The following NELL1 variants were observed in gnomAD, a reference collection of about 807,000 sequenced individuals.
NELL1 encodes the protein neural EGFL like 1, also known as protein kinase C-binding protein NELL1.
In NELL1, 76 loss-of-function variants were observed where a neutral mutation model predicts 107.4. The ratio of observed to expected loss-of-function variants is 0.71; its 90% CI spans 0.59 to 0.86. NELL1 has a LOEUF of 0.86. NELL1 is among the 40% of genes least tolerant of loss of function. The pLI is 0.00. For synonymous variants in NELL1, 353 were observed against 341.2 expected (o/e 1.03, Z -0.38); for missense variants, 1,024 against 1,005.5 (o/e 1.02, Z -0.25).
At chr11:20,674,516 C>T (rs573625441) in intron 1 of NELL1, 28 of 1,536,018 alleles carry the variant, frequency 1.8e-5, no homozygotes, top group East Asian at 1.2e-4. Flanking sequence ...CCCGTGTTAT[C>T]GCTGATATGG....
chr11:21,471,549 A>G (rs1018313524), intron 15 of NELL1, among the ~76,000 whole-genome samples: 18 of 152,090 alleles, frequency 1.2e-4, no homozygotes, highest in African/African-American at 4.3e-4. Context: ...ATATAACAAT[A>G]TAATTATAAA....
chr11:20,933,942 G>A (rs1316743749), intron 9 of NELL1, among the ~76,000 whole-genome samples: 2 of 152,160 alleles, frequency 1.3e-5, no homozygotes, highest in Non-Finnish European at 2.9e-5. Context: ...TTGTGTTTGG[G>A]CACTGTGAAA....
At chr11:20,849,310 G>GT (rs1337488813) in intron 4 of NELL1, among the ~76,000 whole-genome samples, 1 of 152,182 alleles carries the variant, frequency 6.6e-6, no homozygotes, top group Non-Finnish European at 1.5e-5. Flanking sequence ...CCTTCTAAGA[G>GT]TTTTACTCTG....
chr11:21,254,408 A>T (rs1018338491), intron 14 of NELL1, among the ~76,000 whole-genome samples: 1 of 152,160 alleles, frequency 6.6e-6, no homozygotes, highest in East Asian at 1.9e-4. Flanking sequence ...AAAAAATTCA[A>T]TGCCCAGCAA....
intron 15 of NELL1, among the ~76,000 whole-genome samples, chr11:21,384,829 C>G (rs1166139915): frequency 6.6e-6 from 1 of 151,926 alleles, no homozygotes; most frequent in Non-Finnish European, 1.5e-5. Flanking sequence ...GACACATTTT[C>G]TTAATCCAGT....
intron 12 of NELL1, among the ~76,000 whole-genome samples, chr11:21,031,534 T>G (rs754272814): frequency 1.3e-5 from 2 of 152,230 alleles, no homozygotes; most frequent in Non-Finnish European, 2.9e-5. Flanking sequence ...TCTGCCTGTT[T>G]CCCTTCCTCA....
intron 13 of NELL1, among the ~76,000 whole-genome samples, chr11:21,158,193 C>T (rs758192803): frequency 3.3e-5 from 5 of 152,154 alleles, no homozygotes; most frequent in Non-Finnish European, 5.9e-5. Flanking sequence ...TATTGTTTAG[C>T]CAGGGCCTCT....
At chr11:21,370,472 A>C (rs2133752461) in intron 14 of NELL1, among the ~76,000 whole-genome samples, 1 of 152,180 alleles carries the variant, frequency 6.6e-6, no homozygotes, top group South Asian at 2.1e-4. Flanking sequence ...AGTGGAAAAG[A>C]TTAGGTTACA....
chr11:20,830,552 G>T (rs1857987396), intron 3 of NELL1, among the ~76,000 whole-genome samples: 1 of 152,008 alleles, frequency 6.6e-6, no homozygotes, highest in East Asian at 2.0e-4. Context: ...TGGCCAGGCT[G>T]GTATTGAAGT....
intron 15 of NELL1, among the ~76,000 whole-genome samples, chr11:21,443,740 C>T (rs1853350006): frequency 6.6e-6 from 1 of 151,660 alleles, no homozygotes; most frequent in African/African-American, 2.4e-5. Context: ...GTCCCAGCTA[C>T]TCGGGAGGCT....
chr11:21,451,185 T>TA (rs35257979), intron 15 of NELL1, among the ~76,000 whole-genome samples: 52,416 of 100,422 alleles, frequency 0.52, 12,785 homozygotes, highest in Non-Finnish European at 0.58. Flanking sequence ...AGACTCCGTC[T>TA]AAAAAAAAAA....
At chr11:21,464,826 G>A (rs1853987428) in intron 15 of NELL1, among the ~76,000 whole-genome samples, 1 of 152,062 alleles carries the variant, frequency 6.6e-6, no homozygotes, top group Admixed American at 6.6e-5. Context: ...AGTATCAGGA[G>A]ACTAATGTAT....
chr11:20,979,174 A>G (rs569229357), intron 12 of NELL1, among the ~76,000 whole-genome samples: 44 of 152,304 alleles, frequency 2.9e-4, no homozygotes, highest in African/African-American at 1.1e-3. Flanking sequence ...AAATCTTTCC[A>G]TTTATTTGCT....
intron 12 of NELL1, among the ~76,000 whole-genome samples, chr11:20,976,556 C>T (rs998048742): frequency 5.3e-5 from 8 of 152,050 alleles, no homozygotes; most frequent in African/African-American, 1.9e-4. Context: ...TTTCCTTGTT[C>T]AAATATGTTT....
chr11:21,123,400 A>G (rs766182109), intron 13 of NELL1, among the ~76,000 whole-genome samples: 4 of 146,516 alleles, frequency 2.7e-5, no homozygotes, highest in Non-Finnish European at 6.1e-5. Context: ...CACAATTGTT[A>G]GAGTATATTA....
chr11:21,273,966 T>C (rs1455745627), intron 14 of NELL1, among the ~76,000 whole-genome samples: 4 of 152,024 alleles, frequency 2.6e-5, no homozygotes, highest in Non-Finnish European at 5.9e-5. Context: ...TTGTAAAGAC[T>C]ATCGAGGCTA....
chr11:21,565,658 C>T (rs1002323805), intron 17 of NELL1, among the ~76,000 whole-genome samples: 2 of 151,844 alleles, frequency 1.3e-5, no homozygotes. Flanking sequence ...AGCCTCCTCA[C>T]GATACAAAAG....
At chr11:21,131,097 C>T (rs1408669437) in intron 13 of NELL1, among the ~76,000 whole-genome samples, 4 of 152,128 alleles carry the variant, frequency 2.6e-5, no homozygotes, top group African/African-American at 9.6e-5. Context: ...GTCAGGATGC[C>T]TAATGCTGGA....
chr11:20,757,808 T>G (rs1856331101), intron 2 of NELL1, among the ~76,000 whole-genome samples: 1 of 152,216 alleles, frequency 6.6e-6, no homozygotes, highest in African/African-American at 2.4e-5. Flanking sequence ...TTTTTTGCAA[T>G]TTTGGTATGT....
Sources: gnomAD v4.1 joint callset for allele counts (sites outside exome capture counted in the v4.1 genomes callset) on GRCh38, gnomAD v4.1.1 for gene constraint, MANE v1.5 for transcripts, NCBI Gene and HGNC (gene_info 2026-07-23, HGNC 2026-07-21) for gene names.